CAMK2D: variants seen among roughly 807,000 people sequenced by gnomAD.
The protein encoded by CAMK2D is calcium/calmodulin-dependent protein kinase type II subunit delta.
CAMK2D carries 37 observed loss-of-function variants against 84.0 expected under a neutral mutation model. The observed-to-expected ratio is 0.44, with a 90% CI of 0.34 to 0.58. The LOEUF (loss-of-function observed/expected upper bound fraction) is 0.58, where lower values mean the gene tolerates loss of function less well. CAMK2D is among the 20% of genes least tolerant of loss of function. The pLI, the probability that CAMK2D is intolerant of heterozygous loss-of-function variation, is 0.02. For missense variants in CAMK2D, 448 were observed against 652.5 expected (o/e 0.69, Z 3.41); for synonymous variants, 202 against 212.5 (o/e 0.95, Z 0.43).
At chr4:113,477,944 T>G (rs1454344067) in intron 16 of CAMK2D, among the ~76,000 whole-genome samples, 1 of 152,296 alleles carries the variant, frequency 6.6e-6, no homozygotes, top group African/African-American at 2.4e-5. Flanking sequence ...ATTTCAAAAT[T>G]TAATGTATAG....
intron 3 of CAMK2D, among the ~76,000 whole-genome samples, chr4:113,619,918 G>T (rs931056493): frequency 4.6e-5 from 7 of 152,120 alleles, no homozygotes; most frequent in African/African-American, 1.7e-4. Context: ...TGAGAGGCCG[G>T]AGTTTGGCAT....
chr4:113,657,262 T>C (rs1364870401), intron 3 of CAMK2D, among the ~76,000 whole-genome samples: 2 of 152,132 alleles, frequency 1.3e-5, no homozygotes, highest in African/African-American at 4.8e-5. Context: ...GGTATCAAAT[T>C]ACCCTATTTT....
chr4:113,560,542 A>G (rs559507266), intron 4 of CAMK2D, among the ~76,000 whole-genome samples: 1 of 152,192 alleles, frequency 6.6e-6, no homozygotes, highest in Non-Finnish European at 1.5e-5. Flanking sequence ...GAATTGTCCC[A>G]TTTACAGAGG....
At chr4:113,572,898 T>C (rs2154227432) in intron 4 of CAMK2D, among the ~76,000 whole-genome samples, 1 of 152,270 alleles carries the variant, frequency 6.6e-6, no homozygotes, top group Admixed American at 6.5e-5. Context: ...TGTGGGAACA[T>C]GGATGGGGCT....
At chr4:113,719,588 G>A (rs1172896147) in intron 2 of CAMK2D, among the ~76,000 whole-genome samples, 1 of 152,146 alleles carries the variant, frequency 6.6e-6, no homozygotes, top group Non-Finnish European at 1.5e-5. Context: ...GAAACAGAAT[G>A]GAAATGAACA....
intron 4 of CAMK2D, among the ~76,000 whole-genome samples, chr4:113,582,647 C>T (rs954426644): frequency 2.6e-5 from 4 of 152,248 alleles, no homozygotes; most frequent in African/African-American, 9.6e-5. Flanking sequence ...TATATTGATA[C>T]TGAGACCTGA....
At chr4:113,706,620 A>G (rs979903079) in intron 2 of CAMK2D, among the ~76,000 whole-genome samples, 7 of 152,208 alleles carry the variant, frequency 4.6e-5, no homozygotes, top group Non-Finnish European at 1.0e-4. Context: ...AAAGGATGGT[A>G]TGGCTACAAC....
At chr4:113,620,515 T>A (rs1049615691) in intron 3 of CAMK2D, among the ~76,000 whole-genome samples, 5 of 151,682 alleles carry the variant, frequency 3.3e-5, no homozygotes, top group African/African-American at 1.2e-4. Flanking sequence ...ACAAGAGTTT[T>A]TTTTTTTTTT....
At chr4:113,470,274 T>A (rs947521591) in intron 16 of CAMK2D, among the ~76,000 whole-genome samples, 2 of 152,122 alleles carry the variant, frequency 1.3e-5, no homozygotes, top group African/African-American at 4.8e-5. Flanking sequence ...CTGTCTTCTC[T>A]TCTTGGAAAA....
At chr4:113,696,404 CAT>C (rs1273876483) in intron 2 of CAMK2D, among the ~76,000 whole-genome samples, 1 of 152,030 alleles carries the variant, frequency 6.6e-6, no homozygotes, top group African/African-American at 2.4e-5. Flanking sequence ...GTGTCTAACA[CAT>C]ATAACAATCA....
intron 17 of CAMK2D, among the ~76,000 whole-genome samples, chr4:113,460,691 T>TA (rs755227031): frequency 0.035 from 4,605 of 132,894 alleles, 171 homozygotes; most frequent in Admixed American, 0.11. Flanking sequence ...TAATAATAAT[T>TA]ATTATTATTT....
intron 16 of CAMK2D, among the ~76,000 whole-genome samples, chr4:113,486,784 C>G (rs966985573): frequency 6.6e-6 from 1 of 152,210 alleles, no homozygotes; most frequent in African/African-American, 2.4e-5. Context: ...CTGAACACAA[C>G]TATTGTAGTT....
At chr4:113,736,552 A>G (rs908056366) in intron 2 of CAMK2D, among the ~76,000 whole-genome samples, 2 of 152,182 alleles carry the variant, frequency 1.3e-5, no homozygotes, top group African/African-American at 4.8e-5. Flanking sequence ...TTCCACATTA[A>G]TATCTTTCTA....
intron 4 of CAMK2D, among the ~76,000 whole-genome samples, chr4:113,601,234 A>G (rs1000468275): frequency 1.3e-5 from 2 of 152,190 alleles, no homozygotes; most frequent in Non-Finnish European, 2.9e-5. Context: ...GCACCATAAT[A>G]GAGAGAAGTT....
At chr4:113,542,594 A>G (rs2098537862) in intron 6 of CAMK2D, among the ~76,000 whole-genome samples, 1 of 152,090 alleles carries the variant, frequency 6.6e-6, no homozygotes. Flanking sequence ...GGGCGCCTGT[A>G]GTCCCAGCTA....
intron 4 of CAMK2D, among the ~76,000 whole-genome samples, chr4:113,573,909 T>A (rs990624070): frequency 2.0e-5 from 3 of 152,200 alleles, no homozygotes; most frequent in Non-Finnish European, 2.9e-5. Flanking sequence ...TGCCCATAAG[T>A]GAGAGTCTCT....
intron 4 of CAMK2D, among the ~76,000 whole-genome samples, chr4:113,568,761 GTTTGT>G (rs1206385000): frequency 6.6e-6 from 1 of 151,548 alleles, no homozygotes; most frequent in Non-Finnish European, 1.5e-5. Context: ...TTGTTTGTTT[GTTTGT>G]TTTGTTTTTA....
intron 16 of CAMK2D, among the ~76,000 whole-genome samples, chr4:113,498,755 T>C (rs2097981930): frequency 6.6e-6 from 1 of 152,218 alleles, no homozygotes. Flanking sequence ...TTTCATTTTA[T>C]CAAAAATAAA....
intron 3 of CAMK2D, among the ~76,000 whole-genome samples, chr4:113,627,757 A>T (rs1292261764): frequency 6.6e-6 from 1 of 152,192 alleles, no homozygotes; most frequent in Non-Finnish European, 1.5e-5. Context: ...CTTAGTGTTT[A>T]TAAAAGCTTA....
Sources: allele counts gnomAD v4.1 joint callset (sites outside exome capture counted in the v4.1 genomes callset), GRCh38; gene constraint gnomAD v4.1.1; transcripts MANE v1.5; gene names NCBI Gene and HGNC (gene_info 2026-07-23, HGNC 2026-07-21).